The following TRIM34 variants were observed in gnomAD, a reference collection of about 807,000 sequenced individuals.
TRIM34 encodes the protein tripartite motif containing 34.
Under a neutral mutation model 38.1 loss-of-function variants are expected in TRIM34, and 41 were observed. The ratio of observed to expected loss-of-function variants is 1.08; its 90% confidence interval spans 0.84 to 1.40. The LOEUF is 1.40. TRIM34 is among the 40% of genes most tolerant of loss of function. The probability of loss-of-function intolerance (pLI) is 0.00; values close to 1 mark genes in which losing one functional copy is unlikely to be tolerated. For synonymous variants in TRIM34, 200 were observed against 202.5 expected, an observed-to-expected ratio of 0.99 and a Z score of 0.10; for missense variants, 556 against 571.4, an observed-to-expected ratio of 0.97 and a Z score of 0.27.
rs1850045518 is a variant in TRIM34 at position 5,642,293 on chromosome 11, C to T, written c.774-113C>T. 5 of 900,114 alleles carry T rather than the reference C, an allele frequency of 5.6e-6. No homozygotes were observed. The East Asian group carries it at 1.3e-4, about 23-fold the overall frequency. The allele number at this position is 900,114 out of a possible 1,614,324, so 55.8% of individuals were successfully genotyped here. A position where few individuals can be genotyped will look rare whatever the true frequency, so the allele number is the denominator to read the frequency against. On this transcript the variant is annotated intron_variant, in intron 5 of 7. Coordinates refer to ENST00000429814, the MANE Select transcript of TRIM34 (RefSeq NM_021616.6). ...TCTCCCTTCTCCCCCTCCTCAGGCT[C>T]AGGGAGAAGGGTTCAAGTGCATCAG...
At position 5,638,075 on chromosome 11, in the gene TRIM34, G is replaced by A. The variant is rs761064003; in HGVS notation, c.751-3092G>A. On this transcript the variant is annotated intron_variant, in intron 4 of 7. Transcript: ENST00000429814. The stretch of plus-strand genomic sequence containing the variant: ...ATGAGTTAATTATATGTAAATCAGC[G>A]TATCCAATCCTTACATCCCTACCAG... 5.3e-5 allele frequency among the ~76,000 whole-genome samples: 8 copies of A among 152,166 alleles called. No individual in the cohort carries two copies. In the South Asian group the frequency reaches 6.2e-4, roughly 12 times the overall value.
chr11:5,632,018 T>C (rs552796223), intron 1 of TRIM34, among the ~76,000 whole-genome samples: 12 of 152,122 alleles, frequency 7.9e-5, no homozygotes, highest in Non-Finnish European at 1.6e-4. Flanking sequence ...TTGAAAAAAG[T>C]ATAAACGAAA....
intron 4 of TRIM34, among the ~76,000 whole-genome samples, chr11:5,640,138 T>C (rs1295010413): frequency 6.6e-6 from 1 of 152,218 alleles, no homozygotes; most frequent in African/African-American, 2.4e-5. Context: ...CTGCCCTGAC[T>C]AGAACCTCCA....
At chr11:5,640,324 G>GT (rs1388100483) in intron 4 of TRIM34, among the ~76,000 whole-genome samples, 2 of 150,620 alleles carry the variant, frequency 1.3e-5, no homozygotes, top group African/African-American at 5.0e-5. Flanking sequence ...TTCCTGTTTT[G>GT]TTTTGTTTTT....
chr11:5,643,648 A>G lies in TRIM34; in HGVS notation c.1406A>G (p.Tyr469Cys). Residue 469 changes from tyrosine (Y) to cysteine (C), a missense_variant, in exon 8 of 8, where the codon TAT (tyrosine) becomes TGT (cysteine). Coordinates refer to ENST00000429814, the MANE Select transcript of TRIM34 (RefSeq NM_021616.6). ...AAATGTTGCTTTTCTCAGCCTGTTT[A>G]TCCATATTTCAATCCTTGGAACTGT... is the stretch of plus-strand genomic sequence containing the variant. ...FSKCCFSQPV[Y>C]PYFNPWNCPA... 1.9e-6 allele frequency: 3 copies of G among 1,613,996 alleles called. No homozygotes were observed. Among genetic ancestry groups the G allele is most frequent in the South Asian group, 1.1e-5 (1 of 91,072 alleles).
chr11:5,632,696 C>T lies in TRIM34; in HGVS notation c.365C>T (p.Ser122Phe), dbSNP rs60437332. The change falls in exon 2 of 8, where the codon TCT becomes TTT. Residue 122 changes from serine to phenylalanine, a missense_variant. Coordinates refer to ENST00000429814, the MANE Select transcript of TRIM34 (RefSeq NM_021616.6). ...RKVICWLCER[S>F]QEHRGHHTVL... Reference sequence around the variant, plus strand: ...GTCATTTGCTGGCTTTGTGAGCGGTCTCAGGAGCACCGTGGTCACCACACA... The same window carrying T: ...GTCATTTGCTGGCTTTGTGAGCGGTTTCAGGAGCACCGTGGTCACCACACA... 9 of 1,612,144 alleles carry T rather than the reference C, an allele frequency of 5.6e-6. No individual in the cohort carries two copies. Among genetic ancestry groups the T allele is most frequent in the African/African-American group, 1.3e-5 (1 of 74,380 alleles).
At chr11:5,627,574 A>G (rs1849300473) in intron 1 of TRIM34, among the ~76,000 whole-genome samples, 1 of 152,238 alleles carries the variant, frequency 6.6e-6, no homozygotes, top group African/African-American at 2.4e-5. Flanking sequence ...AAATGATTCT[A>G]TGTTAAAAAA....
rs1405163192 is a variant in TRIM34, at chr11:5,641,155, T to G, written c.751-12T>G. 4 of 1,613,552 alleles carry G rather than the reference T, an allele frequency of 2.5e-6. No individual in the cohort carries two copies. The highest frequency in any genetic ancestry group is 3.4e-6 in the Non-Finnish European group (4 of 1,179,726). On this transcript the variant is annotated splice_polypyrimidine_tract_variant and intron_variant, in intron 4 of 7. Coordinates refer to ENST00000429814, the MANE Select transcript of TRIM34 (RefSeq NM_021616.6). ...TATACACTTTGACTCATGTTTTCTC[T>G]TTTCTTTCTAGGACATGAGTGGAAT...
chr11:5,633,342 T>C (rs943500764), intron 2 of TRIM34, among the ~76,000 whole-genome samples: 1 of 152,056 alleles, frequency 6.6e-6, no homozygotes, highest in Non-Finnish European at 1.5e-5. Flanking sequence ...CACTCTTGTG[T>C]ATTCCTTTCA....
At chr11:5,641,064 C>T in intron 4 of TRIM34, 103 bp from the exon 5 acceptor site, 2 of 1,430,684 alleles carry the variant, frequency 1.4e-6, no homozygotes, top group South Asian at 1.6e-5. Context: ...TCATATAACT[C>T]ACTTCTGATT....
At chr11:5,639,407 G>A (rs1047774787) in intron 4 of TRIM34, among the ~76,000 whole-genome samples, 11 of 152,004 alleles carry the variant, frequency 7.2e-5, no homozygotes, top group African/African-American at 2.4e-4. Flanking sequence ...GAGGCCAGGC[G>A]CGGTGGCTCA....
Position 5,634,829 on chromosome 11 carries a change from CG to C in TRIM34, c.720del (p.Ser241ValfsTer12). The part of the protein sequence containing the change: ...VRELISDVEC[R>X]SQWSTMELLQ... ...AGAGCTCATCTCAGATGTGGAGTGT[CG>C]GAGTCAGTGGTCAACAATGGAGCTG... On this transcript the variant is annotated frameshift_variant, in exon 4 of 8. Transcript: ENST00000429814. LOFTEE classifies it high-confidence loss of function. 6.2e-7 allele frequency: 1 copy of C among 1,613,098 alleles called. No individual in the cohort carries two copies. The highest frequency in any genetic ancestry group is 1.7e-4 in the Middle Eastern group (1 of 6,036).
At chr11:5,642,762 T>C in intron 6 of TRIM34, 55 bp from the exon 7 acceptor site, 2 of 1,609,534 alleles carry the variant, frequency 1.2e-6, no homozygotes, top group Admixed American at 1.7e-5. Context: ...TATATAGGTA[T>C]CAGTGCTTAC....
At position 5,634,805 on chromosome 11, in the gene TRIM34, G is replaced by GAGCTTCTGCTGA; in HGVS notation, c.698_699insTCTGCTGAAGCT (p.Leu233_Ile234insLeuLeuLysLeu). ...AGTTCAGCAGAAGCAGTTGGTGAGA[G>GAGCTTCTGCTGA]AGCTCATCTCAGATGTGGAGTGTCG... On this transcript the variant is annotated inframe_insertion, in exon 4 of 8. Coordinates refer to ENST00000429814, the MANE Select transcript of TRIM34 (RefSeq NM_021616.6). 6.2e-7 allele frequency: 1 copy of GAGCTTCTGCTGA among 1,613,796 alleles called. No individual in the cohort carries two copies. The highest frequency in any genetic ancestry group is 2.2e-5 in the East Asian group (1 of 44,882).
intron 5 of TRIM34, among the ~76,000 whole-genome samples, chr11:5,641,469 C>T (rs947620475): frequency 6.6e-6 from 1 of 152,158 alleles, no homozygotes; most frequent in Non-Finnish European, 1.5e-5. Context: ...GGTGACTTCA[C>T]TCATTTAATT....
At position 5,634,706 on chromosome 11, in the gene TRIM34, C is replaced by A. The variant is rs745770382; in HGVS notation, c.595C>A (p.Gln199Lys). 5.0e-6 allele frequency: 8 copies of A among 1,613,862 alleles called. No individual in the cohort carries two copies. The African/African-American group carries it at 1.1e-4, about 22-fold the overall frequency. ...QLRSILNNEE[Q>K]RELQRLEEEE... is the part of the protein sequence containing the mutation. ...TAGAAGCATCCTAAATAATGAGGAG[C>A]AGAGAGAGCTGCAAAGATTGGAAGA... The change falls in exon 4 of 8, where the codon CAG becomes AAG. Residue 199 changes from glutamine to lysine, a missense_variant. Coordinates refer to ENST00000429814, the MANE Select transcript of TRIM34 (RefSeq NM_021616.6).
At position 5,631,318 on chromosome 11, in the gene TRIM34, G is replaced by A. The variant is rs559737073; in HGVS notation, c.-77-937G>A. On this transcript the variant is annotated intron_variant, in intron 1 of 7. Coordinates refer to ENST00000429814, the MANE Select transcript of TRIM34 (RefSeq NM_021616.6). ...ATCTACTTCTTTCAGGCTTTACCTCGGCTTTTCTTTGTTTAAATAAGTGGA... is the reference window on the plus strand; with the variant it reads ...ATCTACTTCTTTCAGGCTTTACCTCAGCTTTTCTTTGTTTAAATAAGTGGA... 7.8e-4 allele frequency among the ~76,000 whole-genome samples: 118 copies of A among 152,116 alleles called. 2 individuals carry two copies. In the South Asian group the frequency reaches 0.023, roughly 29 times the overall value.
intron 1 of TRIM34, among the ~76,000 whole-genome samples, chr11:5,631,295 C>A (rs1312123291): frequency 6.6e-6 from 1 of 152,226 alleles, no homozygotes; most frequent in Non-Finnish European, 1.5e-5. Flanking sequence ...GGATCCCAAT[C>A]TACTTCTTTC....
rs765345900 is a variant in TRIM34 at position 5,642,881 on chromosome 11, T to C, written c.901+38T>C. ...TAGTCTTTAAATAACTGTTTTCCAA[T>C]TACCTTTCAGAAGTTTATGGTTTCA... On this transcript the variant is annotated intron_variant, in intron 7 of 7. Coordinates refer to ENST00000429814, the MANE Select transcript of TRIM34 (RefSeq NM_021616.6). The C allele has an allele frequency of 1.9e-6, 3 of 1,612,976 alleles. 1 individual carries two copies. In the South Asian group the frequency reaches 3.3e-5, roughly 18 times the overall value.
Sources: allele counts gnomAD v4.1 joint callset (sites outside exome capture counted in the v4.1 genomes callset), GRCh38; gene constraint gnomAD v4.1.1; transcripts MANE v1.5; gene names NCBI Gene and HGNC (gene_info 2026-07-23, HGNC 2026-07-21).